Variants in RPS6KA2 observed in about 807,000 individuals in gnomAD.
The protein encoded by RPS6KA2 is ribosomal protein S6 kinase A2.
A neutral mutation model predicts 91.8 loss-of-function variants in RPS6KA2; 42 were observed. That is an observed-to-expected ratio of 0.46 (90% confidence interval 0.36 to 0.59). The LOEUF (loss-of-function observed/expected upper bound fraction) is 0.59, where lower values mean the gene tolerates loss of function less well. Among genes scored for constraint, RPS6KA2 ranks in the 20% least tolerant of loss-of-function variants. The probability of loss-of-function intolerance (pLI) is 0.00; values close to 1 mark genes in which losing one functional copy is unlikely to be tolerated. For missense variants in RPS6KA2, 798 were observed against 978.5 expected (o/e 0.82, Z 2.46); for synonymous variants, 414 against 393.6 (o/e 1.05, Z -0.61).
At chr6:166,701,502 T>C in intron 2 of RPS6KA2, 2 of 1,326,584 alleles carry the variant, frequency 1.5e-6, no homozygotes, top group Non-Finnish European at 1.1e-6. Context: ...GTGCTTCCAC[T>C]GGAGCAATCT....
At chr6:166,555,871 G>A (rs1271047643) in intron 1 of RPS6KA2, among the ~76,000 whole-genome samples, 6 of 152,068 alleles carry the variant, frequency 3.9e-5, no homozygotes, top group African/African-American at 1.4e-4. Flanking sequence ...GGCAGACTGT[G>A]GGGAAAAGGA....
At chr6:166,758,979 C>A (rs1336363897) in intron 2 of RPS6KA2, among the ~76,000 whole-genome samples, 2 of 152,216 alleles carry the variant, frequency 1.3e-5, no homozygotes, top group African/African-American at 4.8e-5. Context: ...TCACCCATTT[C>A]GTGGCTTCCA....
At chr6:166,525,054 G>A (rs1380644167) in intron 3 of RPS6KA2, among the ~76,000 whole-genome samples, 2 of 152,194 alleles carry the variant, frequency 1.3e-5, no homozygotes, top group Admixed American at 1.3e-4. Flanking sequence ...TGCAGCTGAG[G>A]ATGAGAACTA....
At chr6:166,476,238 G>A (rs1219822605) in intron 10 of RPS6KA2, among the ~76,000 whole-genome samples, 1 of 152,152 alleles carries the variant, frequency 6.6e-6, no homozygotes, top group Non-Finnish European at 1.5e-5. Flanking sequence ...GTCTAGGAGC[G>A]GCCAGGGACA....
chr6:166,724,408 CCTTG>C (rs1376546745), intron 2 of RPS6KA2, among the ~76,000 whole-genome samples: 2 of 151,846 alleles, frequency 1.3e-5, no homozygotes, highest in African/African-American at 2.4e-5. Flanking sequence ...TTGAATTTAA[CCTTG>C]CTTGTTATTC....
chr6:166,625,685 GA>G (rs1311946709), intron 1 of RPS6KA2, among the ~76,000 whole-genome samples: 4 of 152,132 alleles, frequency 2.6e-5, no homozygotes, highest in Non-Finnish European at 4.4e-5. Context: ...TGTGTCCCAG[GA>G]AAATGATTTG....
intron 2 of RPS6KA2, among the ~76,000 whole-genome samples, chr6:166,848,075 A>G (rs1056833748): frequency 2.0e-5 from 3 of 152,188 alleles, no homozygotes; most frequent in African/African-American, 7.2e-5. Flanking sequence ...TAAAAAATAA[A>G]CAATCCATCA....
intron 2 of RPS6KA2, among the ~76,000 whole-genome samples, chr6:166,706,214 G>A (rs570621399): frequency 6.6e-6 from 1 of 152,148 alleles, no homozygotes; most frequent in Non-Finnish European, 1.5e-5. Context: ...AACTTAAGTG[G>A]TGAAATTTTA....
rs763935189 is a variant in RPS6KA2, at chr6:166,430,492, G to A, written c.1542C>T (p.Cys514=). The change falls in exon 16 of 21, where the codon TGC becomes TGT. Residue 514 remains cysteine (C), a synonymous_variant. Coordinates refer to ENST00000265678, the MANE Select transcript of RPS6KA2 (RefSeq NM_021135.6). ...FSEREASDVL[C]TITKTMDYLH... ...GGTAGTCCATGGTCTTGGTGATGGT[G>A]CACAGGACGTCACTGGCTTCGCGCT... is the stretch of plus-strand genomic sequence containing the variant. 2.5e-6 allele frequency: 4 copies of A among 1,614,092 alleles called. No homozygotes were observed. The highest frequency in any genetic ancestry group is 2.2e-5 in the South Asian group (2 of 91,058).
At chr6:166,454,452 C>T (rs1053965835) in intron 12 of RPS6KA2, among the ~76,000 whole-genome samples, 17 of 152,008 alleles carry the variant, frequency 1.1e-4, no homozygotes, top group African/African-American at 2.2e-4. Flanking sequence ...GAGCCAAGAT[C>T]GCACCACTGC....
At chr6:166,525,583 A>AC (rs1782997481) in intron 3 of RPS6KA2, among the ~76,000 whole-genome samples, 1 of 152,152 alleles carries the variant, frequency 6.6e-6, no homozygotes, top group South Asian at 2.1e-4. Context: ...CCCACTGACA[A>AC]CCCTCACTTC....
At chr6:166,566,131 G>A (rs1349863886) in intron 1 of RPS6KA2, among the ~76,000 whole-genome samples, 1 of 152,164 alleles carries the variant, frequency 6.6e-6, no homozygotes, top group Non-Finnish European at 1.5e-5. Context: ...AACATCCTAG[G>A]GTGTACAGAA....
intron 2 of RPS6KA2, among the ~76,000 whole-genome samples, chr6:166,801,090 T>G (rs1280733133): frequency 6.6e-6 from 1 of 152,212 alleles, no homozygotes; most frequent in Non-Finnish European, 1.5e-5. Flanking sequence ...TATGTGCACT[T>G]TTGTAAATGG....
Position 166,673,931 on chromosome 6 carries a change from G to A in RPS6KA2, c.124-135147C>T, listed in dbSNP as rs74601118. Among the ~76,000 whole-genome samples the A allele has an allele frequency of 6.1e-3, 924 of 152,300 alleles. 7 individuals are homozygous for A. The highest frequency in any genetic ancestry group is 0.021 in the African/African-American group (869 of 41,562). ...GTGCCGTTCTAAAGAGTTACCATCA[G>A]ATAAATATACATAAAGAGCCATGAA... On this transcript the variant is annotated intron_variant, in intron 2 of 21. Transcript: ENST00000503859.
At chr6:166,781,722 C>T (rs1316331600) in intron 2 of RPS6KA2, among the ~76,000 whole-genome samples, 8 of 152,180 alleles carry the variant, frequency 5.3e-5, no homozygotes, top group Non-Finnish European at 7.3e-5. Context: ...AGCTAGGAGA[C>T]GGCATCTCTG....
chr6:166,667,594 A>C (rs1788350557), intron 2 of RPS6KA2, among the ~76,000 whole-genome samples: 2 of 152,196 alleles, frequency 1.3e-5, no homozygotes, highest in Admixed American at 6.5e-5. Flanking sequence ...AGTTTCTCAT[A>C]GATATCAGCT....
At chr6:166,550,799 GAC>G (rs1562573569) in intron 1 of RPS6KA2, among the ~76,000 whole-genome samples, 6 of 151,862 alleles carry the variant, frequency 4.0e-5, no homozygotes, top group Admixed American at 2.6e-4. Context: ...TCAGGAGATC[GAC>G]ACCATCCTGG....
At chr6:166,796,178 T>C (rs1490333652) in intron 2 of RPS6KA2, among the ~76,000 whole-genome samples, 3 of 152,162 alleles carry the variant, frequency 2.0e-5, no homozygotes, top group Admixed American at 1.3e-4. Context: ...AAAGTAAGCC[T>C]ACGATAAATC....
Position 166,855,456 on chromosome 6 carries a change from A to G in RPS6KA2, c.123+2744T>C, listed in dbSNP as rs56187817. Among the ~76,000 whole-genome samples the G allele has an allele frequency of 2.8e-4, 33 of 117,554 alleles. No individual in the cohort carries two copies. In the East Asian group the frequency reaches 4.6e-3, roughly 16 times the overall value. 77.1% of individuals were successfully genotyped at this position (117,554 alleles called of 152,430 possible). On this transcript the variant is annotated intron_variant, in intron 2 of 21. Coordinates refer to the RPS6KA2 transcript ENST00000503859. Reference sequence around the variant, plus strand: ...AAGAAGAGGAAGAAGAAGAGGAAGAAGAAGAGGAAGAGGAAGAGGAAGAAG... The same window carrying G: ...AAGAAGAGGAAGAAGAAGAGGAAGAGGAAGAGGAAGAGGAAGAGGAAGAAG...
Sources: gnomAD v4.1 joint callset for allele counts (sites outside exome capture counted in the v4.1 genomes callset) on GRCh38, gnomAD v4.1.1 for gene constraint, MANE v1.5 for transcripts, NCBI Gene and HGNC (gene_info 2026-07-23, HGNC 2026-07-21) for gene names.